TAFA1: variants seen among roughly 807,000 people sequenced by gnomAD.
TAFA1 encodes the protein TAFA chemokine like family member 1.
Under a neutral mutation model 18.5 loss-of-function variants are expected in TAFA1, and 4 were observed. The ratio of observed to expected loss-of-function variants is 0.22; its 90% CI spans 0.11 to 0.49. The LOEUF is 0.49. TAFA1 is among the 20% of genes least tolerant of loss of function. The pLI is 0.98. For missense variants in TAFA1, 147 were observed against 169.0 expected (o/e 0.87, Z 0.72); for synonymous variants, 56 against 55.2 (o/e 1.01, Z -0.06).
intron 2 of TAFA1, among the ~76,000 whole-genome samples, chr3:68,177,747 C>T (rs1559548675): frequency 6.6e-6 from 1 of 152,176 alleles, no homozygotes; most frequent in Non-Finnish European, 1.5e-5. Context: ...TATAATCTGT[C>T]TTGTCTTTGG....
At chr3:68,513,476 A>G (rs1249866014) in intron 3 of TAFA1, among the ~76,000 whole-genome samples, 1 of 152,166 alleles carries the variant, frequency 6.6e-6, no homozygotes, top group Non-Finnish European at 1.5e-5. Context: ...TTAAATATCC[A>G]CATGTGGCTA....
chr3:68,016,862 G>C (rs1004197341), intron 2 of TAFA1, among the ~76,000 whole-genome samples: 3 of 152,050 alleles, frequency 2.0e-5, no homozygotes, highest in East Asian at 1.9e-4. Context: ...TAATATAAGA[G>C]CATGTTAATA....
chr3:68,008,831 G>A (rs1330791950), intron 2 of TAFA1, among the ~76,000 whole-genome samples: 1 of 152,150 alleles, frequency 6.6e-6, no homozygotes. Context: ...CTCGGGGCTG[G>A]CCACCTGAGT....
intron 2 of TAFA1, among the ~76,000 whole-genome samples, chr3:68,016,862 G>A (rs1004197341): frequency 6.6e-6 from 1 of 152,050 alleles, no homozygotes; most frequent in Non-Finnish European, 1.5e-5. Context: ...TAATATAAGA[G>A]CATGTTAATA....
At chr3:68,113,399 T>A (rs10865605) in intron 2 of TAFA1, among the ~76,000 whole-genome samples, 143,772 of 152,266 alleles carry the variant, frequency 0.94, 67,926 homozygotes, top group South Asian at 0.97. Context: ...CTCACACCAT[T>A]TACAAAAATC....
At chr3:68,060,275 G>A (rs1201219893) in intron 2 of TAFA1, among the ~76,000 whole-genome samples, 7 of 151,884 alleles carry the variant, frequency 4.6e-5, no homozygotes, top group African/African-American at 1.7e-4. Flanking sequence ...TAAATTGCCA[G>A]TGCCCTCACA....
intron 2 of TAFA1, among the ~76,000 whole-genome samples, chr3:68,413,093 A>G (rs966184401): frequency 2.0e-5 from 3 of 152,004 alleles, no homozygotes; most frequent in African/African-American, 4.8e-5. Flanking sequence ...ATGGTATCTC[A>G]TTGTGTTTTT....
intron 2 of TAFA1, among the ~76,000 whole-genome samples, chr3:68,078,455 G>T (rs1228128668): frequency 6.6e-6 from 1 of 152,138 alleles, no homozygotes; most frequent in East Asian, 1.9e-4. Flanking sequence ...GTTTGTCATA[G>T]ATAGCTCTTA....
At chr3:68,464,077 C>T (rs1246272561) in intron 3 of TAFA1, among the ~76,000 whole-genome samples, 2 of 152,070 alleles carry the variant, frequency 1.3e-5, no homozygotes, top group Non-Finnish European at 2.9e-5. Context: ...GACAAAGGAA[C>T]ATTGATTTTA....
At chr3:68,480,411 TA>T (rs34324836) in intron 3 of TAFA1, among the ~76,000 whole-genome samples, 1 of 151,158 alleles carries the variant, frequency 6.6e-6, no homozygotes, top group Admixed American at 6.6e-5. Flanking sequence ...TCAAAAAACA[TA>T]AAAAAAAGAA....
At chr3:68,062,251 G>A (rs921551468) in intron 2 of TAFA1, among the ~76,000 whole-genome samples, 1 of 152,128 alleles carries the variant, frequency 6.6e-6, no homozygotes, top group African/African-American at 2.4e-5. Context: ...GGATGGTGAG[G>A]ACTGCAGGAA....
chr3:68,462,227 T>C (rs575086833), intron 3 of TAFA1, among the ~76,000 whole-genome samples: 1 of 152,182 alleles, frequency 6.6e-6, no homozygotes, highest in Non-Finnish European at 1.5e-5. Context: ...AATAGATAAC[T>C]GATATGGTTT....
At chr3:68,386,857 A>G (rs1257459873) in intron 2 of TAFA1, among the ~76,000 whole-genome samples, 2 of 152,076 alleles carry the variant, frequency 1.3e-5, no homozygotes, top group Admixed American at 1.3e-4. Context: ...AATATATTAT[A>G]TGCATAAGAA....
chr3:68,421,206 C>G (rs966478947), intron 3 of TAFA1, among the ~76,000 whole-genome samples: 6 of 152,080 alleles, frequency 3.9e-5, no homozygotes, highest in African/African-American at 1.4e-4. Flanking sequence ...AAACTTTGTT[C>G]GACTTTGGGA....
At chr3:68,217,361 C>A (rs2066672486) in intron 2 of TAFA1, among the ~76,000 whole-genome samples, 2 of 151,706 alleles carry the variant, frequency 1.3e-5, no homozygotes. Context: ...ATAAATTGAG[C>A]AATGTTCTAT....
At chr3:68,229,047 T>C (rs1200500050) in intron 2 of TAFA1, among the ~76,000 whole-genome samples, 2 of 152,226 alleles carry the variant, frequency 1.3e-5, no homozygotes, top group Non-Finnish European at 2.9e-5. Context: ...CCTCCAAATA[T>C]GGCATCTGGC....
intron 2 of TAFA1, among the ~76,000 whole-genome samples, chr3:68,116,600 A>T (rs958760698): frequency 6.6e-6 from 1 of 152,208 alleles, no homozygotes; most frequent in Non-Finnish European, 1.5e-5. Context: ...TTAAAAAGTA[A>T]TGCTCCCCAA....
chr3:68,203,344 A>G (rs1429691002), intron 2 of TAFA1, among the ~76,000 whole-genome samples: 1 of 151,572 alleles, frequency 6.6e-6, no homozygotes, highest in Non-Finnish European at 1.5e-5. Context: ...GGTGTCTGAC[A>G]TTAATTTGAA....
intron 2 of TAFA1, among the ~76,000 whole-genome samples, chr3:68,400,114 C>T (rs2070459099): frequency 6.6e-6 from 1 of 152,154 alleles, no homozygotes; most frequent in Non-Finnish European, 1.5e-5. Flanking sequence ...AAAGACTACG[C>T]TGTTTGGCCA....
Sources: gnomAD v4.1 joint callset for allele counts (sites outside exome capture counted in the v4.1 genomes callset) on GRCh38, gnomAD v4.1.1 for gene constraint, MANE v1.5 for transcripts, NCBI Gene and HGNC (gene_info 2026-07-23, HGNC 2026-07-21) for gene names.